Variants in CROCC observed in about 807,000 individuals in gnomAD.
CROCC encodes the protein rootletin.
Under a neutral mutation model 245.2 loss-of-function variants are expected in CROCC, and 180 were observed. That is an observed-to-expected ratio of 0.73 (90% confidence interval 0.65 to 0.83). The LOEUF is 0.83. Among genes scored for constraint, CROCC ranks in the 40% least tolerant of loss-of-function variants. The pLI, the probability that CROCC is intolerant of heterozygous loss-of-function variation, is 0.00. For missense variants in CROCC, 2,688 were observed against 2,779.4 expected (o/e 0.97, Z 0.74); for synonymous variants, 1,205 against 1,241.6 (o/e 0.97, Z 0.62).
upstream of CROCC, among the ~76,000 whole-genome samples, chr1:16,920,846 C>T (rs1263511632): frequency 6.7e-6 from 1 of 149,906 alleles, no homozygotes; most frequent in Non-Finnish European, 1.5e-5. Context: ...TGAGTTCAAT[C>T]GATTCTCCTG....
chr1:16,946,977 G>C lies in CROCC; in HGVS notation c.2500G>C (p.Glu834Gln). 2 of 1,553,158 alleles carry C rather than the reference G, an allele frequency of 1.3e-6. No homozygotes were observed. Among genetic ancestry groups the C allele is most frequent in the Non-Finnish European group, 1.7e-6 (2 of 1,149,144 alleles). The change falls in exon 17 of 37, where the codon GAG becomes CAG. Residue 834 changes from glutamate (E) to glutamine (Q), a missense_variant. Physicochemically the swap from Glu to Gln is conservative, Grantham distance 29. Coordinates refer to ENST00000375541, the MANE Select transcript of CROCC (RefSeq NM_014675.5). Reference sequence around the variant, plus strand: ...GCGCCATGAGCGCAGCCAGCTGCAGGAGCAGCTAGCGCAGGTGGGCAAAGC... The same window carrying C: ...GCGCCATGAGCGCAGCCAGCTGCAGCAGCAGCTAGCGCAGGTGGGCAAAGC... ...TLRHERSQLQ[E>Q]QLAQLSRQLS...
Position 16,970,412 on chromosome 1 carries a change from C to G in CROCC, c.5611C>G (p.Leu1871Val). The change falls in exon 34 of 37, where the codon CTG becomes GTG. Residue 1871 changes from leucine (L) to valine (V), a missense_variant. Leu to Val is a conservative substitution (Grantham distance 32, BLOSUM62 1). Transcript: ENST00000375541. ...GGAGGTGGAGCGCTCAGCCCTGCGG[C>G]TGGAGAAGGACCGTGTAGCCCTCAG... The part of the protein sequence containing the change: ...KREVERSALR[L>V]EKDRVALRRT... 6.2e-7 allele frequency: 1 copy of G among 1,604,642 alleles called. No individual in the cohort carries two copies. The highest frequency in any genetic ancestry group is 1.1e-5 in the South Asian group (1 of 89,670).
intron 27 of CROCC, among the ~76,000 whole-genome samples, chr1:16,962,771 G>A (rs2076355655): frequency 6.7e-6 from 1 of 149,876 alleles, no homozygotes; most frequent in Admixed American, 6.7e-5. Flanking sequence ...GTTTCACCAT[G>A]TTGGACAGGC....
chr1:16,970,423 C>T lies in CROCC; in HGVS notation c.5622C>T (p.Asp1874=). ...GCTCAGCCCTGCGGCTGGAGAAGGA[C>T]CGTGTAGCCCTCAGGAGGACGCTGG... ...VERSALRLEK[D]RVALRRTLDK... is the part of the protein sequence containing the mutation. The change falls in exon 34 of 37, where the codon GAC becomes GAT. Residue 1874 remains aspartate, a synonymous_variant. Coordinates refer to ENST00000375541, the MANE Select transcript of CROCC (RefSeq NM_014675.5). The T allele has an allele frequency of 6.3e-7, 1 of 1,599,960 alleles. No individual in the cohort carries two copies. The highest frequency in any genetic ancestry group is 8.5e-7 in the Non-Finnish European group (1 of 1,172,426).
In CROCC at chr1:16,946,830, G is replaced by A. The variant is rs148046550; in HGVS notation, c.2353G>A (p.Glu785Lys). 1.2e-3 allele frequency: 1,819 copies of A among 1,553,264 alleles called. No homozygotes were observed. The African/African-American group carries it at 0.022, about 19-fold the overall frequency. The change falls in exon 17 of 37, where the codon GAA (glutamate) becomes AAA (lysine). Residue 785 changes from glutamate (E) to lysine (K), a missense_variant. Glu to Lys is a moderately conservative substitution (Grantham distance 56). Around this residue, in one of 9 missense-constraint regions of CROCC, gnomAD observed 295 missense variants for 241.7 expected, o/e 1.22. Coordinates refer to ENST00000375541, the MANE Select transcript of CROCC (RefSeq NM_014675.5). ...QAEQEATVAR[E>K]EQERLEELRL... Reference sequence around the variant, plus strand: ...AGAGCAGGAGGCCACAGTGGCGCGGGAAGAGCAGGAACGGCTAGAGGAGCT... The same window carrying A: ...AGAGCAGGAGGCCACAGTGGCGCGGAAAGAGCAGGAACGGCTAGAGGAGCT...
chr1:16,969,600 G>T (rs549356927), intron 32 of CROCC, among the ~76,000 whole-genome samples, 185 bp from the exon 33 acceptor site: 2 of 152,302 alleles, frequency 1.3e-5, no homozygotes, highest in East Asian at 3.9e-4. Flanking sequence ...GGAGAGTTGG[G>T]GTCTGAGTGG....
chr1:16,948,670 C>G (rs2076105145), intron 18 of CROCC, 129 bp from the exon 19 acceptor site: 33 of 1,527,900 alleles, frequency 2.2e-5, no homozygotes, highest in Non-Finnish European at 2.6e-5. Flanking sequence ...CAGGCTTCCC[C>G]AGGGAGTGTG....
intron 3 of CROCC, 73 bp downstream of exon 3, chr1:16,924,552 C>T (rs2075488093): frequency 8.4e-6 from 13 of 1,556,488 alleles, no homozygotes; most frequent in Non-Finnish European, 1.1e-5. Context: ...CTAGACCAGG[C>T]CCACACACGG....
At position 16,921,939 on chromosome 1, in the gene CROCC, C is replaced by G; in HGVS notation, c.-80C>G. 1 of 1,390,338 alleles carries G rather than the reference C, an allele frequency of 7.2e-7. No individual in the cohort carries two copies. Among genetic ancestry groups the G allele is most frequent in the East Asian group, 2.5e-5 (1 of 40,312 alleles). 86.1% of individuals were successfully genotyped at this position (1,390,338 alleles called of 1,614,324 possible). ...TCTGCCTGGTGCTCAGCACAGCATC[C>G]TGGCTGTGGCGCGTGCTGACTGAGC... On this transcript the variant is annotated 5_prime_UTR_variant, in exon 1 of 37. Coordinates refer to ENST00000375541, the MANE Select transcript of CROCC (RefSeq NM_014675.5).
chr1:16,946,542 CTCTG>C (rs1335748072), intron 16 of CROCC, 137 bp downstream of exon 16: 137 of 1,332,368 alleles, frequency 1.0e-4, no homozygotes, highest in South Asian at 2.5e-4. Context: ...GTCTCTGGTT[CTCTG>C]TCTGTCTGTC....
At chr1:16,970,527 G>A in intron 34 of CROCC, 74 bp downstream of exon 34, 1 of 1,483,776 alleles carries the variant, frequency 6.7e-7, no homozygotes. Flanking sequence ...CACATCCCCA[G>A]GGTCTGCTAC....
intron 1 of CROCC, 114 bp downstream of exon 1, chr1:16,922,192 G>T (rs1265569607): frequency 2.9e-5 from 33 of 1,149,620 alleles, no homozygotes; most frequent in Middle Eastern, 4.0e-4. Context: ...GTGTGGTGGT[G>T]GTGGGGTATA....
chr1:16,944,929 T>G, intron 14 of CROCC, among the ~76,000 whole-genome samples: 1 of 152,282 alleles, frequency 6.6e-6, no homozygotes, highest in Non-Finnish European at 1.5e-5. Flanking sequence ...TAAGCACATG[T>G]GAAGTTTGTA....
rs974704736 is a variant in CROCC at position 16,954,916 on chromosome 1, A to T, written c.3465+39A>T. On this transcript the variant is annotated intron_variant, in intron 23 of 36. Coordinates refer to ENST00000375541, the MANE Select transcript of CROCC (RefSeq NM_014675.5). This position sits in a 1 kb window ranked among gnomAD's most constrained non-coding sequence, Gnocchi z 4.4. ...CCCCTCTTCCAAGCAGCATACCCTA[A>T]ATGGCACTGTGTGCCTGGGGGCCTA... is the stretch of plus-strand genomic sequence containing the variant. 3 of 1,482,990 alleles carry T rather than the reference A, an allele frequency of 2.0e-6. No individual in the cohort carries two copies. In the African/African-American group the frequency reaches 4.2e-5, roughly 21 times the overall value. 91.9% of individuals were successfully genotyped at this position (1,482,990 alleles called of 1,614,324 possible). A position where few individuals can be genotyped will look rare whatever the true frequency, so the allele number is the denominator to read the frequency against.
chr1:16,927,458 G>A (rs1165698816), intron 3 of CROCC, among the ~76,000 whole-genome samples: 4 of 152,184 alleles, frequency 2.6e-5, no homozygotes, highest in Non-Finnish European at 4.4e-5. Context: ...ACCCACATGC[G>A]GTTGTACACT....
rs147000983 is a variant in CROCC at position 16,965,702 on chromosome 1, C to T, written c.4406-21C>T. 3.9e-4 allele frequency: 605 copies of T among 1,561,082 alleles called. 1 individual carries two copies. In the African/African-American group the frequency reaches 7.0e-3, roughly 18 times the overall value. On this transcript the variant is annotated intron_variant, in intron 27 of 36. Coordinates refer to ENST00000375541, the MANE Select transcript of CROCC (RefSeq NM_014675.5). ...GGCCCGTGGCTTCTGCATCACTGAGCAAGTCTTCTTTCTCTTCTAGGAAGC... is the reference window on the plus strand; with the variant it reads ...GGCCCGTGGCTTCTGCATCACTGAGTAAGTCTTCTTTCTCTTCTAGGAAGC...
At chr1:16,936,558 C>G (rs1206383120) in intron 8 of CROCC, 79 bp from the exon 9 acceptor site, 26 of 1,393,728 alleles carry the variant, frequency 1.9e-5, no homozygotes, top group Non-Finnish European at 2.2e-5. Flanking sequence ...TGTGAGCCAC[C>G]ACGCCCTGCC....
rs187220797 is a variant in CROCC, at chr1:16,942,616, A to C, written c.1809-1484A>C. ...TTCCTGTCAAACTCATGCAATTCGG[A>C]ACTCTGTTGTTGTAAGCTTGAGAGA... On this transcript the variant is annotated intron_variant, in intron 13 of 36. Coordinates refer to ENST00000375541, the MANE Select transcript of CROCC (RefSeq NM_014675.5). Among the ~76,000 whole-genome samples, 11 of 152,336 alleles carry C rather than the reference A, an allele frequency of 7.2e-5. No individual in the cohort carries two copies. The East Asian group carries it at 1.9e-3, about 27-fold the overall frequency.
chr1:16,939,210 G>GGGGGC, intron 12 of CROCC, 68 bp downstream of exon 12: 1 of 1,155,296 alleles, frequency 8.7e-7, no homozygotes, highest in Non-Finnish European at 1.1e-6. Flanking sequence ...CCCTCCGGGT[G>GGGGGC]GGGGCGGGGG....
Sources: allele counts gnomAD v4.1 joint callset (sites outside exome capture counted in the v4.1 genomes callset), GRCh38; gene constraint gnomAD v4.1.1; regional missense constraint gnomAD v4.1.1; non-coding constraint Gnocchi (gnomAD v3.1); transcripts MANE v1.5; gene names NCBI Gene and HGNC (gene_info 2026-07-23, HGNC 2026-07-21).